CBFA2T3: variants seen among roughly 807,000 people sequenced by gnomAD.
The protein encoded by CBFA2T3 is transcriptional corepressor CBFA2T3.
CBFA2T3 carries 31 observed loss-of-function variants against 58.6 expected under a neutral mutation model. That is an observed-to-expected ratio of 0.53 (90% CI 0.40 to 0.71). The LOEUF is 0.71. CBFA2T3 is among the 30% of genes least tolerant of loss of function. The pLI, the probability that CBFA2T3 is intolerant of heterozygous loss-of-function variation, is 0.00. For missense variants in CBFA2T3, 1,076 were observed against 963.1 expected (o/e 1.12, Z -1.55); for synonymous variants, 531 against 421.9 (o/e 1.26, Z -3.17).
chr16:88,886,483 C>T (rs924900916), intron 5 of CBFA2T3: 2 of 228,808 alleles, frequency 8.7e-6, no homozygotes, highest in Admixed American at 5.3e-5. Flanking sequence ...GGCGAGAGGA[C>T]GAAGGGGCAG....
intron 1 of CBFA2T3, among the ~76,000 whole-genome samples, chr16:88,972,947 G>A (rs1313530649): frequency 1.3e-5 from 2 of 152,166 alleles, no homozygotes; most frequent in Admixed American, 6.5e-5. Flanking sequence ...CTGTCTGTCT[G>A]TCTGTGGCCT....
In CBFA2T3 at chr16:88,894,206, A is replaced by G. The variant is rs556988640; in HGVS notation, c.380-1721T>C. 2.1e-5 allele frequency among the ~76,000 whole-genome samples: 3 copies of G among 144,936 alleles called. No homozygotes were observed. The South Asian group carries it at 6.8e-4, about 33-fold the overall frequency. On this transcript the variant is annotated intron_variant, in intron 3 of 11. Coordinates refer to ENST00000268679, the MANE Select transcript of CBFA2T3 (RefSeq NM_005187.6). Reference sequence around the variant, plus strand: ...ATACATATACACATGCACACAATGTACACACATGCACGCACACATGCACAC... The same window carrying G: ...ATACATATACACATGCACACAATGTGCACACATGCACGCACACATGCACAC...
At chr16:88,935,866 T>C (rs1231301340) in intron 1 of CBFA2T3, among the ~76,000 whole-genome samples, 1 of 152,196 alleles carries the variant, frequency 6.6e-6, no homozygotes, top group Non-Finnish European at 1.5e-5. Flanking sequence ...CCTTTGTGAC[T>C]GCATTTTGCG....
chr16:88,912,752 T>G (rs1333762708), intron 1 of CBFA2T3, among the ~76,000 whole-genome samples: 2 of 152,212 alleles, frequency 1.3e-5, no homozygotes, highest in Non-Finnish European at 2.9e-5. Context: ...CTGGCAGCCC[T>G]GTCCTCTGCA....
chr16:88,941,955 G>C (rs951267845), intron 1 of CBFA2T3: 2 of 151,082 alleles, frequency 1.3e-5, no homozygotes, highest in Non-Finnish European at 3.0e-5. Context: ...CGCGGCGCCT[G>C]GCCCGGCCCG....
At chr16:88,976,048 G>T (rs752158999) in intron 1 of CBFA2T3, among the ~76,000 whole-genome samples, 1 of 152,194 alleles carries the variant, frequency 6.6e-6, no homozygotes, top group Non-Finnish European at 1.5e-5. Context: ...AGGCTCGGGT[G>T]GGGGGTATCA....
At chr16:88,882,828 C>A in intron 7 of CBFA2T3, 67 bp from the exon 8 acceptor site, 1 of 1,101,798 alleles carries the variant, frequency 9.1e-7, no homozygotes, top group Non-Finnish European at 1.3e-6. Flanking sequence ...TCTCCCAGAC[C>A]CCGCCCTCTG....
chr16:88,898,115 ACGGCCGTGGGGCAG>A lies in CBFA2T3; in HGVS notation c.328_341del (p.Leu110PhefsTer152). 2.5e-6 allele frequency: 4 copies of A among 1,613,348 alleles called. No individual in the cohort carries two copies. The highest frequency in any genetic ancestry group is 3.4e-6 in the Non-Finnish European group (4 of 1,179,894). Reference sequence around the variant, plus strand: ...TAGACCATTTTAAGCAGCCATGAAAACGGCCGTGGGGCAGCGTCGCAGGCCCGTCCTCTCGATCT... The same window carrying A: ...TAGACCATTTTAAGCAGCCATGAAAACGTCGCAGGCCCGTCCTCTCGATCT... On this transcript the variant is annotated frameshift_variant, in exon 3 of 12. Coordinates refer to ENST00000268679, the MANE Select transcript of CBFA2T3 (RefSeq NM_005187.6). LOFTEE classifies it high-confidence loss of function.
rs186146725 is a variant in CBFA2T3, at chr16:88,932,372, C to T, written c.152-30716G>A. Reference sequence around the variant, plus strand: ...CTCTTAAGCTGGGTGCAGCGGCTCACGCCTACAATCCCAGCACTTTGGGAG... The same window carrying T: ...CTCTTAAGCTGGGTGCAGCGGCTCATGCCTACAATCCCAGCACTTTGGGAG... On this transcript the variant is annotated intron_variant, in intron 1 of 11. Transcript: ENST00000268679. Among the ~76,000 whole-genome samples, 623 of 152,242 alleles carry T rather than the reference C, an allele frequency of 4.1e-3. 7 individuals carry two copies. Among genetic ancestry groups the T allele is most frequent in the African/African-American group, 0.014 (602 of 41,524 alleles).
chr16:88,878,732 G>A (rs915794644), intron 11 of CBFA2T3, among the ~76,000 whole-genome samples: 1 of 152,228 alleles, frequency 6.6e-6, no homozygotes. Context: ...GATCACCTGA[G>A]GTCAGGAGTT....
intron 1 of CBFA2T3, among the ~76,000 whole-genome samples, chr16:88,971,008 CG>C (rs1972642483): frequency 6.7e-6 from 1 of 150,138 alleles, no homozygotes; most frequent in Admixed American, 6.6e-5. Context: ...GCCAGGCAGC[CG>C]GGGCTGTGAG....
chr16:88,956,495 A>G (rs1197080308), intron 1 of CBFA2T3, among the ~76,000 whole-genome samples: 1 of 152,198 alleles, frequency 6.6e-6, no homozygotes, highest in Admixed American at 6.5e-5. Context: ...CGGAGCTTCT[A>G]CTGGCCTCAC....
intron 5 of CBFA2T3, 141 bp downstream of exon 5, chr16:88,891,741 C>T: frequency 1.5e-6 from 1 of 646,708 alleles, no homozygotes; most frequent in Non-Finnish European, 2.8e-6. Flanking sequence ...AAGATCGATG[C>T]CTCACACCTC....
At chr16:88,971,116 C>A (rs999491416) in intron 1 of CBFA2T3, among the ~76,000 whole-genome samples, 4 of 151,998 alleles carry the variant, frequency 2.6e-5, no homozygotes, top group African/African-American at 9.6e-5. Context: ...ACTCAATTTT[C>A]CTTTTTTTTT....
chr16:88,966,734 C>G (rs1013913577), intron 1 of CBFA2T3, among the ~76,000 whole-genome samples: 4 of 141,450 alleles, frequency 2.8e-5, no homozygotes, highest in South Asian at 2.6e-4. Context: ...TGAACACGAG[C>G]TGGGTGGGTT....
At chr16:88,975,740 C>T (rs997646212) in intron 1 of CBFA2T3, among the ~76,000 whole-genome samples, 3 of 152,262 alleles carry the variant, frequency 2.0e-5, no homozygotes, top group Admixed American at 6.5e-5. Context: ...CCCTGGGGCC[C>T]CACGGGCAGC....
intron 1 of CBFA2T3, among the ~76,000 whole-genome samples, chr16:88,965,647 C>T (rs143320048): frequency 1.5e-3 from 226 of 152,318 alleles, no homozygotes; most frequent in Non-Finnish European, 2.4e-3. Flanking sequence ...TTGCGGGGTG[C>T]AGCTGTCACC....
At chr16:88,930,835 A>AG (rs1175987829) in intron 1 of CBFA2T3, among the ~76,000 whole-genome samples, 1 of 3,986 alleles carries the variant, frequency 2.5e-4, no homozygotes, top group Non-Finnish European at 4.9e-4. Flanking sequence ...GGAGATGGGG[A>AG]GGGGCAGACT....
chr16:88,965,486 GCAGCGCCAGCCA>G (rs1317873765), intron 1 of CBFA2T3, among the ~76,000 whole-genome samples: 1 of 152,212 alleles, frequency 6.6e-6, no homozygotes, highest in Non-Finnish European at 1.5e-5. Context: ...TACTTGGTGC[GCAGCGCCAGCCA>G]CAGGCCCCGA....
Sources: allele counts gnomAD v4.1 joint callset (sites outside exome capture counted in the v4.1 genomes callset), GRCh38; gene constraint gnomAD v4.1.1; transcripts MANE v1.5; gene names NCBI Gene and HGNC (gene_info 2026-07-23, HGNC 2026-07-21).